Variants in NPIPA5 observed in about 807,000 individuals in gnomAD.
The protein encoded by NPIPA5 is nuclear pore complex interacting protein family member A5, also known as nuclear pore complex-interacting protein family member A5.
In NPIPA5, 6 loss-of-function variants were observed where a neutral mutation model predicts 21.4. The ratio of observed to expected loss-of-function variants is 0.28; its 90% confidence interval spans 0.15 to 0.55. NPIPA5 has a LOEUF of 0.55. NPIPA5 is among the 20% of genes least tolerant of loss of function. The pLI is 0.93. For synonymous variants in NPIPA5, 33 were observed against 115.3 expected (o/e 0.29, Z 4.57); for missense variants, 99 against 318.2 (o/e 0.31, Z 5.24).
intron 2 of NPIPA5, among the ~76,000 whole-genome samples, chr16:15,370,751 C>CAAA (rs1307591913): frequency 9.6e-6 from 1 of 104,612 alleles, no homozygotes. Context: ...AACTCTGTCT[C>CAAA]AAAAAAAAAA....
At chr16:15,367,061 C>A (rs969719285) in intron 4 of NPIPA5, among the ~76,000 whole-genome samples, 2 of 152,040 alleles carry the variant, frequency 1.3e-5, no homozygotes, top group African/African-American at 4.8e-5. Context: ...GCACTATGTG[C>A]GTCTCTGGGG....
In NPIPA5 at chr16:15,369,016, G is replaced by A. The variant is rs1158641782; in HGVS notation, c.437+696C>T. Among the ~76,000 whole-genome samples, 11 of 141,926 alleles carry A rather than the reference G, an allele frequency of 7.8e-5. No homozygotes were observed. The East Asian group carries it at 8.7e-4, about 11-fold the overall frequency. 93.1% of individuals were successfully genotyped at this position (141,926 alleles called of 152,430 possible). ...AAAAAAAAAAAAAAATTGGCCGAATGTGGTGGCACACACCTGTAATCCAAG... is the reference window on the plus strand; with the variant it reads ...AAAAAAAAAAAAAAATTGGCCGAATATGGTGGCACACACCTGTAATCCAAG... On this transcript the variant is annotated intron_variant, in intron 4 of 7. Coordinates refer to ENST00000360151, the MANE Select transcript of NPIPA5 (RefSeq NM_001277325.2).
chr16:15,364,154 T>A (rs1283005957), intron 7 of NPIPA5, 85 bp from the exon 8 acceptor site: 1 of 1,369,026 alleles, frequency 7.3e-7, no homozygotes, highest in African/African-American at 1.6e-5. Flanking sequence ...GCACCTTCTG[T>A]TGCTGGTGAT....
At chr16:15,376,953 G>A (rs936948280) in intron 1 of NPIPA5, among the ~76,000 whole-genome samples, 3 of 152,242 alleles carry the variant, frequency 2.0e-5, no homozygotes, top group East Asian at 3.9e-4. Context: ...CAGCCTGGGC[G>A]ACAGAGTGAG....
chr16:15,381,032 T>G, upstream of NPIPA5: 1 of 1,514,714 alleles, frequency 6.6e-7, no homozygotes, highest in Non-Finnish European at 8.8e-7. Context: ...GTCAGGACAA[T>G]AGAGAGCTTC....
At chr16:15,376,853 A>G (rs1468973454) in intron 1 of NPIPA5, among the ~76,000 whole-genome samples, 2 of 152,114 alleles carry the variant, frequency 1.3e-5, no homozygotes, top group Non-Finnish European at 2.9e-5. Context: ...CAGGCATTGT[A>G]ATCTGAGCTA....
In NPIPA5 at chr16:15,366,795, C is replaced by T. The variant is rs1383898677; in HGVS notation, c.438-35G>A. On this transcript the variant is annotated intron_variant, in intron 4 of 7. Coordinates refer to ENST00000360151, the MANE Select transcript of NPIPA5 (RefSeq NM_001277325.2). ...AGAGAAATGCACACACATGATCCAC[C>T]AGCCCGTGTGGGATTCCCTCTGCCC... 4.7e-6 allele frequency: 7 copies of T among 1,494,510 alleles called. No homozygotes were observed. The South Asian group carries it at 8.9e-5, about 19-fold the overall frequency. 92.6% of individuals were successfully genotyped at this position (1,494,510 alleles called of 1,614,324 possible). A position where few individuals can be genotyped will look rare whatever the true frequency, so the allele number is the denominator to read the frequency against.
chr16:15,370,398 C>T (rs1420239933), intron 2 of NPIPA5, among the ~76,000 whole-genome samples: 2 of 131,730 alleles, frequency 1.5e-5, no homozygotes, highest in African/African-American at 2.7e-5. Context: ...TGCACTCCAG[C>T]CTGAGTGACA....
intron 1 of NPIPA5, among the ~76,000 whole-genome samples, chr16:15,376,759 A>G (rs2050305965): frequency 2.0e-5 from 3 of 151,576 alleles, no homozygotes; most frequent in Admixed American, 2.0e-4. Flanking sequence ...TACTAAAAAT[A>G]CAAAAATTAG....
chr16:15,380,340 T>C (rs2050409710), upstream of NPIPA5, among the ~76,000 whole-genome samples: 1 of 151,670 alleles, frequency 6.6e-6, no homozygotes, highest in African/African-American at 2.4e-5. Context: ...TTTTTTTTTT[T>C]TTGACAGAGT....
intron 1 of NPIPA5, among the ~76,000 whole-genome samples, 161 bp from the exon 2 acceptor site, chr16:15,374,004 G>C (rs2050220985): frequency 9.4e-6 from 1 of 105,964 alleles, no homozygotes; most frequent in African/African-American, 3.7e-5. Context: ...ACAGAAGTTA[G>C]AGAAGTCTCA....
downstream of NPIPA5, chr16:15,363,627 A>C (rs1414361653): frequency 6.7e-7 from 1 of 1,483,290 alleles, no homozygotes; most frequent in African/African-American, 1.4e-5. Flanking sequence ...TGCAGTATTC[A>C]TTTTATTTTT....
intron 2 of NPIPA5, among the ~76,000 whole-genome samples, chr16:15,372,035 A>C (rs1462654245): frequency 6.8e-6 from 1 of 147,280 alleles, no homozygotes; most frequent in Non-Finnish European, 1.5e-5. Context: ...GAAGCAAAGA[A>C]ATGCCATCAC....
intron 1 of NPIPA5, among the ~76,000 whole-genome samples, chr16:15,375,732 ACT>A (rs1163678961): frequency 4.5e-5 from 6 of 134,784 alleles, no homozygotes; most frequent in African/African-American, 1.3e-4. Context: ...ACAGAGCGAG[ACT>A]CTGTCTCAAA....
At chr16:15,375,492 C>T (rs2050266755) in intron 1 of NPIPA5, among the ~76,000 whole-genome samples, 1 of 151,344 alleles carries the variant, frequency 6.6e-6, no homozygotes, top group African/African-American at 2.4e-5. Flanking sequence ...GCCTGCAATC[C>T]CAGCACTTTG....
intron 2 of NPIPA5, among the ~76,000 whole-genome samples, chr16:15,370,966 G>A (rs887496415): frequency 8.2e-6 from 1 of 121,842 alleles, no homozygotes. Flanking sequence ...AGAACTGCTT[G>A]AACCCAAGAG....
chr16:15,376,337 T>G (rs1161381423), intron 1 of NPIPA5, among the ~76,000 whole-genome samples: 1 of 148,192 alleles, frequency 6.7e-6, no homozygotes, highest in Non-Finnish European at 1.5e-5. Flanking sequence ...AAAACCAGCC[T>G]GACCAACATG....
chr16:15,372,204 TGGC>T (rs2050174203), intron 2 of NPIPA5, among the ~76,000 whole-genome samples: 1 of 147,484 alleles, frequency 6.8e-6, no homozygotes, highest in South Asian at 2.2e-4. Context: ...AAACTTCCCC[TGGC>T]TCACGTGGTG....
At chr16:15,380,504 G>A (rs2519376), upstream of NPIPA5, among the ~76,000 whole-genome samples, 24 of 152,038 alleles carry the variant, frequency 1.6e-4, 1 homozygote, top group African/African-American at 4.6e-4. Context: ...TGTATTTTTA[G>A]TAGGGACGAG....
Sources: allele counts gnomAD v4.1 joint callset (sites outside exome capture counted in the v4.1 genomes callset), GRCh38; gene constraint gnomAD v4.1.1; transcripts MANE v1.5; gene names NCBI Gene and HGNC (gene_info 2026-07-23, HGNC 2026-07-21).